The following LIG1 variants were observed in gnomAD, a reference collection of about 807,000 sequenced individuals.
LIG1 encodes the protein DNA ligase 1.
In LIG1, 70 loss-of-function variants were observed where a neutral mutation model predicts 115.7. That is an observed-to-expected ratio of 0.60 (90% CI 0.50 to 0.74). LIG1 has a LOEUF of 0.74. LIG1 is among the 30% of genes least tolerant of loss of function. The pLI is 0.00. For synonymous variants in LIG1, 487 were observed against 495.3 expected (o/e 0.98, Z 0.22); for missense variants, 1,115 against 1,225.6 (o/e 0.91, Z 1.35).
intron 21 of LIG1, chr19:48,126,999 C>T (rs768307595): frequency 4.6e-5 from 22 of 473,424 alleles, no homozygotes; most frequent in Non-Finnish European, 7.8e-5. Flanking sequence ...GATTCTCCTG[C>T]GTGCTTCTAC....
chr19:48,159,366 G>C (rs147089262), intron 4 of LIG1, among the ~76,000 whole-genome samples: 1 of 151,980 alleles, frequency 6.6e-6, no homozygotes, highest in South Asian at 2.1e-4. Flanking sequence ...CATCATGCCT[G>C]GCCAGATGAA....
At chr19:48,123,363 A>C (rs1334433205) in intron 21 of LIG1, 45 bp from the exon 22 acceptor site, 1 of 1,599,524 alleles carries the variant, frequency 6.3e-7, no homozygotes, top group Non-Finnish European at 8.5e-7. Context: ...TCTTTGTGAG[A>C]ATAAAGACAA....
At chr19:48,126,962 C>T in intron 21 of LIG1, 1 of 364,120 alleles carries the variant, frequency 2.7e-6, no homozygotes, top group South Asian at 2.9e-5. Context: ...TTTGCAAATC[C>T]TCTAATATCT....
intron 7 of LIG1, 68 bp from the exon 8 acceptor site, chr19:48,150,278 T>TA (rs1469952308): frequency 1.9e-6 from 3 of 1,604,046 alleles, no homozygotes; most frequent in Admixed American, 1.7e-5. Flanking sequence ...TCTTTTTTTT[T>TA]ACCCCCAAGA....
chr19:48,166,565 G>A (rs1030248013), intron 1 of LIG1, among the ~76,000 whole-genome samples: 7 of 152,034 alleles, frequency 4.6e-5, no homozygotes, highest in African/African-American at 1.2e-4. Flanking sequence ...ATTGGAATAC[G>A]TTACCCCTTC....
At chr19:48,119,529 CTTTTTTTT>C (rs71334267) in intron 24 of LIG1, among the ~76,000 whole-genome samples, 12 of 67,980 alleles carry the variant, frequency 1.8e-4, no homozygotes, top group African/African-American at 6.1e-4. Context: ...CACTTCCAGT[CTTTTTTTT>C]TTTTTTTTTT....
chr19:48,127,785 G>T (rs911230081), intron 20 of LIG1, 125 bp downstream of exon 20: 3 of 841,270 alleles, frequency 3.6e-6, no homozygotes, highest in Non-Finnish European at 6.3e-6. Flanking sequence ...TCTGCAGAAG[G>T]CTGAGAGAAG....
In LIG1 at chr19:48,143,879, TC is replaced by T. The variant is rs1379613495; in HGVS notation, c.857+3del. 6.2e-7 allele frequency: 1 copy of T among 1,611,604 alleles called. No individual in the cohort carries two copies. The highest frequency in any genetic ancestry group is 2.2e-5 in the East Asian group (1 of 44,858). Reference sequence around the variant, plus strand: ...GGGACAGTCTGAAAAGGGAGAAACCTCACTTCTGGCCCGGTTTCCAGCAGGC... The same window carrying T: ...GGGACAGTCTGAAAAGGGAGAAACCTACTTCTGGCCCGGTTTCCAGCAGGC... On this transcript the variant is annotated splice_donor_region_variant and intron_variant, in intron 10 of 27. Transcript: ENST00000263274.
intron 21 of LIG1, 115 bp from the exon 22 acceptor site, chr19:48,123,433 T>G: frequency 8.0e-7 from 1 of 1,247,394 alleles, no homozygotes; most frequent in Admixed American, 1.9e-5. Context: ...ACAGGGTTCG[T>G]GGAAAGCCTT....
Position 48,139,956 on chromosome 19 carries a change from C to A in LIG1, c.1087+15G>T. 2 of 1,614,032 alleles carry A rather than the reference C, an allele frequency of 1.2e-6. No homozygotes were observed. Among genetic ancestry groups the A allele is most frequent in the Non-Finnish European group, 1.7e-6 (2 of 1,179,948 alleles). On this transcript the variant is annotated intron_variant, in intron 12 of 27. Transcript: ENST00000263274. Reference sequence around the variant, plus strand: ...CTCCTGTCCTTCTGGTCCCTCCAACCACAGTCCCCCTTACCTGTGGCCTGG... The same window carrying A: ...CTCCTGTCCTTCTGGTCCCTCCAACAACAGTCCCCCTTACCTGTGGCCTGG...
Position 48,143,871 on chromosome 19 carries a change from G to A in LIG1, c.857+12C>T. The A allele has an allele frequency of 1.9e-6, 3 of 1,608,230 alleles. No homozygotes were observed. On this transcript the variant is annotated intron_variant, in intron 10 of 27. Coordinates refer to ENST00000263274, the MANE Select transcript of LIG1 (RefSeq NM_000234.3). The stretch of plus-strand genomic sequence containing the variant: ...ACCGGAGGGGGACAGTCTGAAAAGG[G>A]AGAAACCTCACTTCTGGCCCGGTTT...
At chr19:48,167,306 G>A (rs558605743) in intron 1 of LIG1, among the ~76,000 whole-genome samples, 25 of 151,966 alleles carry the variant, frequency 1.6e-4, no homozygotes, top group African/African-American at 2.9e-4. Context: ...GGACCTCTGC[G>A]TGGATTGCTT....
chr19:48,146,539 G>A (rs529910347), intron 9 of LIG1, among the ~76,000 whole-genome samples: 7 of 152,212 alleles, frequency 4.6e-5, no homozygotes, highest in Non-Finnish European at 1.0e-4. Flanking sequence ...AAGTAGCCGG[G>A]CATGGTGGCG....
chr19:48,161,571 C>T (rs756217663), intron 3 of LIG1, 64 bp from the exon 4 acceptor site: 140 of 1,570,770 alleles, frequency 8.9e-5, no homozygotes, highest in South Asian at 2.4e-4. Flanking sequence ...GGGCACTGCC[C>T]GCAAACACTT....
Position 48,150,212 on chromosome 19 carries a change from T to C in LIG1, c.575-2A>G. 3 of 1,614,208 alleles carry C rather than the reference T, an allele frequency of 1.9e-6. No homozygotes were observed. Among genetic ancestry groups the C allele is most frequent in the Non-Finnish European group, 2.5e-6 (3 of 1,180,048 alleles). Reference sequence around the variant, plus strand: ...CGCTTTCCGTCGGGGTCTCTGCTTCTGCGGTGAGAGAGCTCAGACGGTGAT... The same window carrying C: ...CGCTTTCCGTCGGGGTCTCTGCTTCCGCGGTGAGAGAGCTCAGACGGTGAT... On this transcript the variant is annotated splice_acceptor_variant, in intron 7 of 27. Coordinates refer to ENST00000263274, the MANE Select transcript of LIG1 (RefSeq NM_000234.3). LOFTEE classifies it high-confidence loss of function.
rs971762136 is a variant in LIG1 at position 48,161,436 on chromosome 19, G to A, written c.179C>T (p.Ala60Val). 4.3e-6 allele frequency: 7 copies of A among 1,614,108 alleles called. No homozygotes were observed. Among genetic ancestry groups the A allele is most frequent in the Non-Finnish European group, 5.1e-6 (6 of 1,180,042 alleles). Residue 60 changes from alanine to valine, a missense_variant, in exon 4 of 28, where the codon GCG becomes GTG. Physicochemically the swap from Ala to Val is moderately conservative, Grantham distance 64. Coordinates refer to ENST00000263274, the MANE Select transcript of LIG1 (RefSeq NM_000234.3). ...CCCTTCGCTGCCCAGGACCCGGGCC[G>A]CCTTCCTCCCTGGCCTCTTCACCGG... is the stretch of plus-strand genomic sequence containing the variant. ...DSPVKRPGRK[A>V]ARVLGSEGEE... is the part of the protein sequence containing the mutation.
Position 48,119,158 on chromosome 19 carries a change from C to T in LIG1, c.2418G>A (p.Glu806=), listed in dbSNP as rs1193563848. The T allele has an allele frequency of 6.3e-7, 1 of 1,582,946 alleles. No homozygotes were observed. The highest frequency in any genetic ancestry group is 8.6e-7 in the Non-Finnish European group (1 of 1,164,686). ...LGTGFSDEEL[E]EHHQSLKALV... ...TCACCTTGAGGCTCTGGTGATGCTC[C>T]TCCAGCTCCTCATCACTGAAGCCAG... Residue 806 remains glutamate (E), a synonymous_variant, in exon 25 of 28, where the codon GAG becomes GAA. Transcript: ENST00000263274.
rs749574863 is a variant in LIG1 at position 48,127,372 on chromosome 19, C to A, written c.1933-24G>T. 5.6e-6 allele frequency: 9 copies of A among 1,607,326 alleles called. No individual in the cohort carries two copies. The East Asian group carries it at 2.0e-4, about 36-fold the overall frequency. On this transcript the variant is annotated intron_variant, in intron 20 of 27. Transcript: ENST00000263274. ...TCCTGGGTTGGGGCACAACGGAGTT[C>A]GTGAGTGCAGGAAGGTGAGACGGGG...
In LIG1 at chr19:48,137,977, G is replaced by A. The variant is rs554851364; in HGVS notation, c.1088-289C>T. ...ATCTGGGCCGGTGTCATCAGGGCGCGGATGGGATTTAAAGCCACAGGCGGG... is the reference window on the plus strand; with the variant it reads ...ATCTGGGCCGGTGTCATCAGGGCGCAGATGGGATTTAAAGCCACAGGCGGG... On this transcript the variant is annotated intron_variant, in intron 12 of 27. Transcript: ENST00000263274. The surrounding 1 kb of genome is among the most constrained non-coding windows in gnomAD (Gnocchi z 4.3). 92 of 523,388 alleles carry A rather than the reference G, an allele frequency of 1.8e-4. No homozygotes were observed. Among genetic ancestry groups the A allele is most frequent in the South Asian group, 1.5e-3 (77 of 50,250 alleles). The allele number at this position is 523,388 out of a possible 1,614,324, so 32.4% of individuals were successfully genotyped here. A position where few individuals can be genotyped will look rare whatever the true frequency, so the allele number is the denominator to read the frequency against.
Sources: allele counts gnomAD v4.1 joint callset (sites outside exome capture counted in the v4.1 genomes callset), GRCh38; gene constraint gnomAD v4.1.1; non-coding constraint Gnocchi (gnomAD v3.1); transcripts MANE v1.5; gene names NCBI Gene and HGNC (gene_info 2026-07-23, HGNC 2026-07-21).